Variants in HPS1 observed in about 807,000 individuals in gnomAD.
HPS1 encodes BLOC-3 complex member HPS1.
HPS1 carries 59 observed loss-of-function variants against 90.6 expected under a neutral mutation model. The ratio of observed to expected loss-of-function variants is 0.65; its 90% CI spans 0.53 to 0.81. HPS1 has a LOEUF of 0.81. HPS1 is among the 30% of genes least tolerant of loss of function. The probability of loss-of-function intolerance (pLI) is 0.00; values close to 1 mark genes in which losing one functional copy is unlikely to be tolerated. For missense variants in HPS1, 849 were observed against 896.7 expected, an observed-to-expected ratio of 0.95 and a Z score of 0.68; for synonymous variants, 388 against 384.4, an observed-to-expected ratio of 1.01 and a Z score of -0.11.
At chr10:98,416,120 A>G (rs896962892), downstream of HPS1, 1 of 152,256 alleles carries the variant, frequency 6.6e-6, no homozygotes, top group East Asian at 1.9e-4. Context: ...GTATGTGGAG[A>G]TGATCCTAAG....
downstream of HPS1, chr10:98,414,062 CATATAT>C (rs200311255): frequency 6.6e-6 from 1 of 151,794 alleles, no homozygotes; most frequent in Non-Finnish European, 1.5e-5. Context: ...AACACATATA[CATATAT>C]ATACACATAT....
intron 5 of HPS1, among the ~76,000 whole-genome samples, chr10:98,434,645 C>T (rs1357651581): frequency 1.3e-5 from 2 of 151,988 alleles, no homozygotes; most frequent in Non-Finnish European, 2.9e-5. Context: ...AGTCCCAGAG[C>T]TTCACACTCC....
rs766828171 is a variant in HPS1, at chr10:98,425,626, G to T, written c.1250C>A (p.Ala417Asp). 6.2e-7 allele frequency: 1 copy of T among 1,613,620 alleles called. No homozygotes were observed. The highest frequency in any genetic ancestry group is 1.7e-5 in the Admixed American group (1 of 59,994). Reference sequence around the variant, plus strand: ...CACGAGGGGCTGGGAGCGCAGGGAGGCCCCGGGCTCCGGCCCTTCCTTCAG... The same window carrying T: ...CACGAGGGGCTGGGAGCGCAGGGAGTCCCCGGGCTCCGGCCCTTCCTTCAG... ...KKLKEGPEPG[A>D]SLRSQPLVGD... is the part of the protein sequence containing the mutation. Residue 417 changes from alanine to aspartate, a missense_variant, in exon 13 of 20, where the codon GCC becomes GAC. By Grantham distance (126) the Ala-to-Asp change is moderately radical. Transcript: ENST00000361490.
At chr10:98,432,167 T>A (rs1846572423) in intron 6 of HPS1, among the ~76,000 whole-genome samples, 1 of 152,214 alleles carries the variant, frequency 6.6e-6, no homozygotes, top group African/African-American at 2.4e-5. Flanking sequence ...TAGGCAGCGA[T>A]AGATCACACA....
At chr10:98,415,250 C>T (rs1201746724), downstream of HPS1, 6 of 1,311,120 alleles carry the variant, frequency 4.6e-6, no homozygotes, top group South Asian at 1.5e-5. Flanking sequence ...GCTGCAGTCC[C>T]CCTCCAGGCC....
chr10:98,418,282 G>A, intron 18 of HPS1, 25 bp from the exon 19 acceptor site: 1 of 1,449,738 alleles, frequency 6.9e-7, no homozygotes, highest in Non-Finnish European at 9.6e-7. Flanking sequence ...CAGGGAGGCA[G>A]TGGGTGTGGG....
At position 98,435,135 on chromosome 10, in the gene HPS1, G is replaced by C; in HGVS notation, c.398+137C>G. On this transcript the variant is annotated intron_variant, in intron 5 of 19. Coordinates refer to ENST00000361490, the MANE Select transcript of HPS1 (RefSeq NM_000195.5). The surrounding 1 kb of genome is among the most constrained non-coding windows in gnomAD (Gnocchi z 4.3). ...ACCAGATGGTCTCCAAGGTTCACTT[G>C]AGCTGTTTCTCTGACCTAGGGACCC... 1.1e-6 allele frequency: 1 copy of C among 946,156 alleles called. No individual in the cohort carries two copies. The highest frequency in any genetic ancestry group is 1.7e-6 in the Non-Finnish European group (1 of 594,884). 58.6% of individuals were successfully genotyped at this position (946,156 alleles called of 1,614,324 possible). A position where few individuals can be genotyped will look rare whatever the true frequency, so the allele number is the denominator to read the frequency against.
chr10:98,444,519 A>G (rs545377600), intron 2 of HPS1, among the ~76,000 whole-genome samples: 1 of 152,332 alleles, frequency 6.6e-6, no homozygotes, highest in East Asian at 1.9e-4. Context: ...GGTGTCACGC[A>G]GATATAATCA....
At chr10:98,418,130 C>T (rs750276183) in intron 19 of HPS1, 45 bp downstream of exon 19, 10 of 1,316,244 alleles carry the variant, frequency 7.6e-6, no homozygotes, top group Non-Finnish European at 9.8e-6. Context: ...CACTTATCAC[C>T]CAAATGGGGG....
At chr10:98,429,274 T>G in intron 10 of HPS1, 1 of 1,254,274 alleles carries the variant, frequency 8.0e-7, no homozygotes, top group African/African-American at 1.5e-5. Flanking sequence ...TAACTTAATT[T>G]TTAATTTTAA....
intron 13 of HPS1, 24 bp downstream of exon 13, chr10:98,425,517 G>A (rs1441440155): frequency 6.3e-7 from 1 of 1,599,474 alleles, no homozygotes; most frequent in South Asian, 1.1e-5. Flanking sequence ...CCCCAGGTGG[G>A]GAGGACTGGA....
chr10:98,415,392 A>T (rs1843986829), downstream of HPS1, among the ~76,000 whole-genome samples: 1 of 152,232 alleles, frequency 6.6e-6, no homozygotes, highest in Admixed American at 6.5e-5. Context: ...AAAACTGACA[A>T]TCCACTGGGG....
intron 3 of HPS1, among the ~76,000 whole-genome samples, chr10:98,441,972 A>C (rs1380359994): frequency 6.6e-6 from 1 of 152,256 alleles, no homozygotes; most frequent in Non-Finnish European, 1.5e-5. Flanking sequence ...GTCTATCCTA[A>C]GTATCTGTCC....
intron 10 of HPS1, among the ~76,000 whole-genome samples, chr10:98,428,698 T>C (rs1295211246): frequency 8.4e-5 from 5 of 59,782 alleles, no homozygotes; most frequent in East Asian, 1.0e-3. Context: ...CACAGGACCC[T>C]TTTTTTTTTT....
chr10:98,423,847 C>A lies in HPS1; in HGVS notation c.1438G>T (p.Ala480Ser). 1.9e-6 allele frequency: 3 copies of A among 1,613,838 alleles called. No individual in the cohort carries two copies. The highest frequency in any genetic ancestry group is 1.7e-6 in the Non-Finnish European group (2 of 1,180,002). The change falls in exon 15 of 20, where the codon GCC (alanine) becomes TCC (serine). Residue 480 changes from alanine (A) to serine (S), a missense_variant. By Grantham distance (99) the Ala-to-Ser change is moderately conservative. Transcript: ENST00000361490. ...ACGKLKRQLCAIYRLNFLTTA... is the reference protein window; with the variant it reads ...ACGKLKRQLCSIYRLNFLTTA... ...GTCAGAAAGTTCAGCCGGTAGATGG[C>A]GCAGAGCTGCCGCTTCAGCTTCCCA...
Position 98,425,717 on chromosome 10 carries a change from G to A in HPS1, c.1159C>T (p.Pro387Ser), listed in dbSNP as rs771296029. Residue 387 changes from proline (P) to serine (S), a missense_variant, in exon 13 of 20, where the codon CCC (proline) becomes TCC (serine). Transcript: ENST00000361490. ...AGAACCAGGGCCAGGGGCGCGCTGG[G>A]GCTCTGAGGGTAAGGGCCGAGAGGC... ...GINLVLLTRS[P>S]SAPLALVLSQ... is the part of the protein sequence containing the mutation. 15 of 1,608,638 alleles carry A rather than the reference G, an allele frequency of 9.3e-6. No homozygotes were observed. The highest frequency in any genetic ancestry group is 6.7e-5 in the African/African-American group (5 of 74,792).
rs1356841928 is a variant in HPS1, at chr10:98,445,758, A to AAG, written c.-105-355_-105-354insCT. 2.6e-5 allele frequency among the ~76,000 whole-genome samples: 4 copies of AAG among 152,178 alleles called. No individual in the cohort carries two copies. Among genetic ancestry groups the AAG allele is most frequent in the African/African-American group, 9.7e-5 (4 of 41,436 alleles). On this transcript the variant is annotated intron_variant, in intron 1 of 19. Coordinates refer to ENST00000361490, the MANE Select transcript of HPS1 (RefSeq NM_000195.5). The surrounding 1 kb of genome is among the most constrained non-coding windows in gnomAD (Gnocchi z 4.5). Reference sequence around the variant, plus strand: ...ACAGCATAGCACATCCCAGGTGGTGAGGATGCAGTCCCGGTGAAGGGAGTG... The same window carrying AAG: ...ACAGCATAGCACATCCCAGGTGGTGAAGGGATGCAGTCCCGGTGAAGGGAGTG...
chr10:98,438,540 G>A (rs1937798093), intron 3 of HPS1, among the ~76,000 whole-genome samples: 1 of 152,206 alleles, frequency 6.6e-6, no homozygotes. Context: ...ATGATTTGGG[G>A]TGGAAGAAAT....
rs375335934 is a variant in HPS1 at position 98,420,151 on chromosome 10, G to A, written c.1751C>T (p.Ser584Phe). The A allele has an allele frequency of 2.2e-5, 36 of 1,611,686 alleles. No individual in the cohort carries two copies. The highest frequency in any genetic ancestry group is 2.9e-5 in the Non-Finnish European group (34 of 1,177,810). Reference protein sequence around the residue: ...LAAFVKTKVWSLIQLARRYLQ... With the variant: ...LAAFVKTKVWFLIQLARRYLQ... ...GTATCTGCGCGCCAGCTGGATCAGAGACCAGACCTGGGGAAAAGACAGCAA... is the reference window on the plus strand; with the variant it reads ...GTATCTGCGCGCCAGCTGGATCAGAAACCAGACCTGGGGAAAAGACAGCAA... The change falls in exon 18 of 20, where the codon TCT becomes TTT. Residue 584 changes from serine to phenylalanine, a missense_variant. By Grantham distance (155) the Ser-to-Phe change is radical. Transcript: ENST00000361490.
Sources: allele counts gnomAD v4.1 joint callset (sites outside exome capture counted in the v4.1 genomes callset), GRCh38; gene constraint gnomAD v4.1.1; non-coding constraint Gnocchi (gnomAD v3.1); transcripts MANE v1.5; gene names NCBI Gene and HGNC (gene_info 2026-07-23, HGNC 2026-07-21).